PDE6C: variants seen among roughly 807,000 people sequenced by gnomAD.
PDE6C encodes phosphodiesterase 6C.
A neutral mutation model predicts 113.1 loss-of-function variants in PDE6C; 75 were observed. The ratio of observed to expected loss-of-function variants is 0.66; its 90% confidence interval spans 0.55 to 0.80. The LOEUF (loss-of-function observed/expected upper bound fraction) is 0.80, where lower values mean the gene tolerates loss of function less well. Among genes scored for constraint, PDE6C ranks in the 30% least tolerant of loss-of-function variants. PDE6C has a pLI of 0.00. For missense variants in PDE6C, 912 were observed against 1,038.6 expected (o/e 0.88, Z 1.67); for synonymous variants, 375 against 363.7 (o/e 1.03, Z -0.35).
chr10:93,616,304 C>T (rs1564794921), intron 1 of PDE6C, among the ~76,000 whole-genome samples: 1 of 152,156 alleles, frequency 6.6e-6, no homozygotes, highest in Non-Finnish European at 1.5e-5. Context: ...AGACTTCTCA[C>T]ACCTAGACAA....
chr10:93,650,825 C>A (rs977780149), intron 15 of PDE6C, among the ~76,000 whole-genome samples: 8 of 152,226 alleles, frequency 5.3e-5, no homozygotes, highest in Admixed American at 5.2e-4. Flanking sequence ...TCTACTAACT[C>A]CCTTCTATGA....
rs1354154960 is a variant in PDE6C, at chr10:93,654,777, TC to T, written c.1936-982del. Among the ~76,000 whole-genome samples the T allele has an allele frequency of 9.3e-5, 5 of 54,012 alleles. No individual in the cohort carries two copies. In the East Asian group the frequency reaches 5.0e-3, roughly 53 times the overall value. 35.4% of individuals were successfully genotyped at this position (54,012 alleles called of 152,430 possible). On this transcript the variant is annotated intron_variant, in intron 15 of 21. Transcript: ENST00000371447. Reference sequence around the variant, plus strand: ...TTCTTTCTTTCTTTCTTTCTTTCTTTCTTTCTTTCTTTCTTTCTTTCTTTCT... The same window carrying T: ...TTCTTTCTTTCTTTCTTTCTTTCTTTTTTCTTTCTTTCTTTCTTTCTTTCT...
chr10:93,616,530 C>A (rs528361710), intron 1 of PDE6C, among the ~76,000 whole-genome samples: 1 of 151,806 alleles, frequency 6.6e-6, no homozygotes, highest in East Asian at 1.9e-4. Context: ...AGTAGATGCT[C>A]AATAAATGAT....
rs1406381759 is a variant in PDE6C at position 93,622,641 on chromosome 10, T to G, written c.864+569T>G. 8.0e-4 allele frequency among the ~76,000 whole-genome samples: 6 copies of G among 7,472 alleles called. No individual in the cohort carries two copies. In the South Asian group the frequency reaches 0.093, roughly 115 times the overall value. 4.9% of individuals were successfully genotyped at this position (7,472 alleles called of 152,430 possible). Reference sequence around the variant, plus strand: ...TTCCAAACTCCTGGTAGCCACAGGTTTTTTTTTTGTTTTTTTTTTTGTTGT... The same window carrying G: ...TTCCAAACTCCTGGTAGCCACAGGTGTTTTTTTTGTTTTTTTTTTTGTTGT... On this transcript the variant is annotated intron_variant, in intron 4 of 21. Coordinates refer to ENST00000371447, the MANE Select transcript of PDE6C (RefSeq NM_006204.4).
At chr10:93,649,002 G>A (rs770631896) in intron 15 of PDE6C, among the ~76,000 whole-genome samples, 2 of 152,156 alleles carry the variant, frequency 1.3e-5, no homozygotes, top group African/African-American at 2.4e-5. Flanking sequence ...GGCGTCATAG[G>A]CACCATGCTG....
chr10:93,646,941 C>T (rs140484998), intron 15 of PDE6C, among the ~76,000 whole-genome samples: 205 of 152,306 alleles, frequency 1.3e-3, no homozygotes, highest in African/African-American at 4.7e-3. Flanking sequence ...GGAGAAACCA[C>T]ATTTGTGTGA....
At position 93,663,142 on chromosome 10, in the gene PDE6C, G is replaced by C. The variant is rs2058674284; in HGVS notation, c.2482G>C (p.Glu828Gln). Residue 828 changes from glutamate (E) to glutamine (Q), a missense_variant, in exon 21 of 22, where the codon GAG (glutamate) becomes CAG (glutamine). Transcript: ENST00000371447. ...EYDAKMKVIE[E>Q]EAKKQEGGAE... ...TGATGCAAAGATGAAGGTCATTGAA[G>C]AGGAGGCAAAAAAGCAAGAAGGAGG... 1 of 1,613,606 alleles carries C rather than the reference G, an allele frequency of 6.2e-7. No individual in the cohort carries two copies. Among genetic ancestry groups the C allele is most frequent in the African/African-American group, 1.3e-5 (1 of 74,888 alleles).
intron 21 of PDE6C, among the ~76,000 whole-genome samples, chr10:93,663,769 T>C (rs76812772): frequency 0.022 from 3,342 of 152,290 alleles, 51 homozygotes; most frequent in East Asian, 0.06. Flanking sequence ...AGTCACTTTG[T>C]CAAGTTTAAT....
intron 3 of PDE6C, 78 bp downstream of exon 3, chr10:93,621,058 CT>C (rs2058443656): frequency 8.7e-7 from 1 of 1,146,040 alleles, no homozygotes; most frequent in Non-Finnish European, 1.3e-6. Flanking sequence ...ATTCAGACCC[CT>C]CCTATTCCTC....
intron 16 of PDE6C, 146 bp downstream of exon 16, chr10:93,656,006 T>C: frequency 1.4e-6 from 1 of 697,478 alleles, no homozygotes; most frequent in Non-Finnish European, 2.7e-6. Context: ...ACACAAAATT[T>C]GCTCTCCTTT....
chr10:93,635,846 GC>G (rs2058526555), intron 10 of PDE6C, among the ~76,000 whole-genome samples: 1 of 152,152 alleles, frequency 6.6e-6, no homozygotes, highest in South Asian at 2.1e-4. Context: ...GGCTGGAATA[GC>G]ACTTTGTTCA....
chr10:93,620,853 T>C, intron 2 of PDE6C, 38 bp from the exon 3 acceptor site: 1 of 1,612,832 alleles, frequency 6.2e-7, no homozygotes. Flanking sequence ...AAAGAAAAGA[T>C]GTCACAACCA....
intron 15 of PDE6C, among the ~76,000 whole-genome samples, chr10:93,652,188 T>A (rs558846096): frequency 6.6e-6 from 1 of 152,298 alleles, no homozygotes; most frequent in South Asian, 2.1e-4. Flanking sequence ...CCAAAATGTA[T>A]ATCAGAGATG....
At chr10:93,630,773 G>C (rs2058497521) in intron 8 of PDE6C, among the ~76,000 whole-genome samples, 3 of 152,176 alleles carry the variant, frequency 2.0e-5, no homozygotes. Context: ...CTTGGGGAAA[G>C]CTGTACACAC....
At chr10:93,657,920 C>T (rs1280161897) in intron 16 of PDE6C, among the ~76,000 whole-genome samples, 2 of 152,068 alleles carry the variant, frequency 1.3e-5, no homozygotes, top group Non-Finnish European at 2.9e-5. Context: ...CCTGTAATCT[C>T]AGCACTTTGG....
At chr10:93,648,024 C>T (rs937671119) in intron 15 of PDE6C, among the ~76,000 whole-genome samples, 3 of 152,118 alleles carry the variant, frequency 2.0e-5, no homozygotes, top group Non-Finnish European at 2.9e-5. Context: ...TGTCATGTAT[C>T]GCATAATCAT....
Position 93,665,596 on chromosome 10 carries a change from A to G in PDE6C, c.*178A>G. 1.7e-6 allele frequency: 1 copy of G among 595,798 alleles called. No individual in the cohort carries two copies. Among genetic ancestry groups the G allele is most frequent in the Admixed American group, 3.0e-5 (1 of 33,650 alleles). The allele number at this position is 595,798 out of a possible 1,614,324, so 36.9% of individuals were successfully genotyped here. On this transcript the variant is annotated 3_prime_UTR_variant, in exon 22 of 22. Coordinates refer to ENST00000371447, the MANE Select transcript of PDE6C (RefSeq NM_006204.4). Reference sequence around the variant, plus strand: ...TCCCAGGGGCAAAATAAAGTTCAACAAAAGTGCAAAATATGACAAAAATAG... The same window carrying G: ...TCCCAGGGGCAAAATAAAGTTCAACGAAAGTGCAAAATATGACAAAAATAG...
At chr10:93,649,628 G>A (rs942059590) in intron 15 of PDE6C, among the ~76,000 whole-genome samples, 2 of 151,874 alleles carry the variant, frequency 1.3e-5, no homozygotes, top group African/African-American at 2.4e-5. Flanking sequence ...TTTTTGAGAC[G>A]GAGTCTCATC....
chr10:93,656,895 A>G (rs919953110), intron 16 of PDE6C, among the ~76,000 whole-genome samples: 1 of 152,150 alleles, frequency 6.6e-6, no homozygotes, highest in Non-Finnish European at 1.5e-5. Context: ...AAATAGTTCA[A>G]TGTGAAGACA....
Sources: gnomAD v4.1 joint callset for allele counts (sites outside exome capture counted in the v4.1 genomes callset) on GRCh38, gnomAD v4.1.1 for gene constraint, MANE v1.5 for transcripts, NCBI Gene and HGNC (gene_info 2026-07-23, HGNC 2026-07-21) for gene names.